Variants in SOCS5 observed in about 807,000 individuals in gnomAD.
The protein encoded by SOCS5 is CIS-6.
SOCS5 carries 32 observed loss-of-function variants against 42.8 expected under a neutral mutation model. The observed-to-expected ratio is 0.75, with a 90% confidence interval of 0.56 to 1.01. SOCS5 has a LOEUF of 1.01. SOCS5 is among the 50% of genes least tolerant of loss of function. The probability of loss-of-function intolerance (pLI) is 0.00; values close to 1 mark genes in which losing one functional copy is unlikely to be tolerated. For synonymous variants in SOCS5, 283 were observed against 229.6 expected, an observed-to-expected ratio of 1.23 and a Z score of -2.10; for missense variants, 627 against 653.0, an observed-to-expected ratio of 0.96 and a Z score of 0.43.
At chr2:46,702,149 CT>C (rs1442306079) in intron 1 of SOCS5, among the ~76,000 whole-genome samples, 1 of 152,062 alleles carries the variant, frequency 6.6e-6, no homozygotes, top group East Asian at 1.9e-4. Flanking sequence ...CTGTGCCTAC[CT>C]ACTACATAGA....
At chr2:46,706,809 A>T (rs1489117648) in intron 1 of SOCS5, among the ~76,000 whole-genome samples, 2 of 152,088 alleles carry the variant, frequency 1.3e-5, no homozygotes, top group Admixed American at 6.6e-5. Context: ...GCCGGTGAAG[A>T]GGGGTTGTGG....
Position 46,728,613 on chromosome 2 carries a change from A to T in SOCS5, c.-13+29164A>T, listed in dbSNP as rs562612079. On this transcript the variant is annotated intron_variant, in intron 1 of 1. Transcript: ENST00000394861. ...GCTCTGTCACCTAGGCTGGAGTGCA[A>T]TGCTGCTATCTCAGTCACTGCGACC... Among the ~76,000 whole-genome samples the T allele has an allele frequency of 2.0e-5, 3 of 152,090 alleles. No homozygotes were observed. The East Asian group carries it at 5.8e-4, about 29-fold the overall frequency.
At chr2:46,752,452 G>A (rs942938551) in intron 1 of SOCS5, among the ~76,000 whole-genome samples, 3 of 151,928 alleles carry the variant, frequency 2.0e-5, no homozygotes, top group African/African-American at 7.3e-5. Context: ...CCCCATAATA[G>A]GCAACCATTA....
At chr2:46,700,467 C>T (rs1672315734) in intron 1 of SOCS5, among the ~76,000 whole-genome samples, 1 of 152,182 alleles carries the variant, frequency 6.6e-6, no homozygotes, top group Non-Finnish European at 1.5e-5. Context: ...CTATTATGTA[C>T]TACTGACTTT....
At position 46,738,252 on chromosome 2, in the gene SOCS5, C is replaced by T. The variant is rs139728893; in HGVS notation, c.-12-20267C>T. On this transcript the variant is annotated intron_variant, in intron 1 of 1. Coordinates refer to ENST00000394861, the MANE Select transcript of SOCS5 (RefSeq NM_144949.3). ...ACAGAATCTGGCAGTATAATGAGTC[C>T]AGGAAGACAGGAGAGAGACTAAGGT... 4.8e-3 allele frequency among the ~76,000 whole-genome samples: 735 copies of T among 152,116 alleles called. 5 individuals are homozygous for T. The highest frequency in any genetic ancestry group is 9.6e-3 in the Admixed American group (147 of 15,280).
At chr2:46,741,482 CT>C (rs1237720033) in intron 1 of SOCS5, among the ~76,000 whole-genome samples, 2 of 152,040 alleles carry the variant, frequency 1.3e-5, no homozygotes, top group Admixed American at 6.5e-5. Flanking sequence ...GATCTACTTC[CT>C]TTTTAAATAA....
chr2:46,747,959 A>C (rs1057016914), intron 1 of SOCS5, among the ~76,000 whole-genome samples: 1 of 152,190 alleles, frequency 6.6e-6, no homozygotes, highest in Admixed American at 6.5e-5. Flanking sequence ...TGATTGTCCT[A>C]TTTCTAAAAA....
chr2:46,749,934 T>A (rs1008174891), intron 1 of SOCS5, among the ~76,000 whole-genome samples: 1 of 152,180 alleles, frequency 6.6e-6, no homozygotes, highest in Non-Finnish European at 1.5e-5. Flanking sequence ...AAGCTAAAGA[T>A]GCTAGATAAT....
Position 46,759,912 on chromosome 2 carries a change from A to G in SOCS5, c.1382A>G (p.Asp461Gly). 6.2e-7 allele frequency: 1 copy of G among 1,614,118 alleles called. No individual in the cohort carries two copies. Among genetic ancestry groups the G allele is most frequent in the Non-Finnish European group, 8.5e-7 (1 of 1,180,014 alleles). The stretch of plus-strand genomic sequence containing the variant: ...ACGGGACTTTTAGAACATTATAAAG[A>G]TCCCAGTTCGTGCATGTTTTTTGAA... ...TVTGLLEHYK[D>G]PSSCMFFEPL... Residue 461 changes from aspartate (D) to glycine (G), a missense_variant, in exon 2 of 2, where the codon GAT becomes GGT. Transcript: ENST00000394861.
chr2:46,728,042 C>T (rs566777247), intron 1 of SOCS5, among the ~76,000 whole-genome samples: 3 of 152,160 alleles, frequency 2.0e-5, no homozygotes, highest in South Asian at 4.2e-4. Context: ...TACCTGTGGG[C>T]GCCTAACTGT....
chr2:46,747,470 C>T (rs150362639), intron 1 of SOCS5, among the ~76,000 whole-genome samples: 10,224 of 152,226 alleles, frequency 0.067, 373 homozygotes, highest in Middle Eastern at 0.13. Flanking sequence ...TCTGCCTTGG[C>T]CTCCCAAAGT....
At chr2:46,718,372 C>G (rs1337771844) in intron 1 of SOCS5, among the ~76,000 whole-genome samples, 2 of 151,928 alleles carry the variant, frequency 1.3e-5, no homozygotes, top group East Asian at 1.9e-4. Context: ...GTATATTATA[C>G]TTTTTAGACT....
intron 1 of SOCS5, among the ~76,000 whole-genome samples, chr2:46,714,152 C>T (rs1672687671): frequency 1.3e-5 from 2 of 152,122 alleles, no homozygotes; most frequent in South Asian, 4.2e-4. Flanking sequence ...CTATAGATGC[C>T]AATTAGGTTA....
rs750805413 is a variant in SOCS5 at position 46,733,053 on chromosome 2, GT to G, written c.-12-25463del. Among the ~76,000 whole-genome samples the G allele has an allele frequency of 6.5e-4, 98 of 151,732 alleles. No individual in the cohort carries two copies. The Middle Eastern group carries it at 0.027, about 42-fold the overall frequency. ...AAATAATTACGTGGGTCAAAGGCCTGTTTACATACTAGATTCCTATTTTTGC... is the reference window on the plus strand; with the variant it reads ...AAATAATTACGTGGGTCAAAGGCCTGTTACATACTAGATTCCTATTTTTGC... On this transcript the variant is annotated intron_variant, in intron 1 of 1. Transcript: ENST00000394861.
intron 1 of SOCS5, among the ~76,000 whole-genome samples, chr2:46,732,227 G>A (rs947425589): frequency 6.6e-6 from 1 of 152,210 alleles, no homozygotes; most frequent in Non-Finnish European, 1.5e-5. Flanking sequence ...AAACATTATA[G>A]TAGAACTGAC....
Position 46,760,304 on chromosome 2 carries a change from A to C in SOCS5, c.*163A>C. 3.3e-6 allele frequency: 2 copies of C among 611,612 alleles called. No individual in the cohort carries two copies. Among genetic ancestry groups the C allele is most frequent in the Admixed American group, 3.1e-5 (1 of 32,338 alleles). The allele number at this position is 611,612 out of a possible 1,614,324, so 37.9% of individuals were successfully genotyped here. ...CCTGCTGTTACTTATTCAGATAAACATGGTGCCTATTGGAACAATAGCGGA... is the reference window on the plus strand; with the variant it reads ...CCTGCTGTTACTTATTCAGATAAACCTGGTGCCTATTGGAACAATAGCGGA... On this transcript the variant is annotated 3_prime_UTR_variant, in exon 2 of 2. Coordinates refer to ENST00000394861, the MANE Select transcript of SOCS5 (RefSeq NM_144949.3).
intron 1 of SOCS5, among the ~76,000 whole-genome samples, chr2:46,735,099 G>C (rs1673213690): frequency 6.6e-6 from 1 of 152,144 alleles, no homozygotes. Context: ...AGGATTAGTT[G>C]GGTACGGTAG....
In SOCS5 at chr2:46,703,915, G is replaced by T. The variant is rs1330575189; in HGVS notation, c.-13+4466G>T. Among the ~76,000 whole-genome samples, 4 of 152,184 alleles carry T rather than the reference G, an allele frequency of 2.6e-5. No individual in the cohort carries two copies. In the South Asian group the frequency reaches 6.2e-4, roughly 24 times the overall value. ...CTTGAAAGGGTAATTAGGCTGGATT[G>T]TTGACTCATGTTAATATTGGATAAA... is the stretch of plus-strand genomic sequence containing the variant. On this transcript the variant is annotated intron_variant, in intron 1 of 1. Coordinates refer to ENST00000394861, the MANE Select transcript of SOCS5 (RefSeq NM_144949.3).
At chr2:46,711,922 A>G (rs988112957) in intron 1 of SOCS5, among the ~76,000 whole-genome samples, 6 of 152,134 alleles carry the variant, frequency 3.9e-5, no homozygotes, top group East Asian at 3.9e-4. Context: ...TCTAAACTCT[A>G]TTCTGTTCAT....
Sources: gnomAD v4.1 joint callset for allele counts (sites outside exome capture counted in the v4.1 genomes callset) on GRCh38, gnomAD v4.1.1 for gene constraint, MANE v1.5 for transcripts, NCBI Gene and HGNC (gene_info 2026-07-23, HGNC 2026-07-21) for gene names.